Variants in TNS3 observed in about 807,000 individuals in gnomAD.
TNS3 encodes tensin-3.
In TNS3, 45 loss-of-function variants were observed where a neutral mutation model predicts 140.9. That is an observed-to-expected ratio of 0.32 (90% CI 0.25 to 0.41). TNS3 has a LOEUF of 0.41. TNS3 is among the 10% of genes least tolerant of loss of function. The pLI is 1.00. For synonymous variants in TNS3, 815 were observed against 788.4 expected (o/e 1.03, Z -0.56); for missense variants, 1,716 against 1,906.7 (o/e 0.90, Z 1.86).
At chr7:47,544,261 G>A (rs1799865282) in intron 1 of TNS3, among the ~76,000 whole-genome samples, 1 of 149,894 alleles carries the variant, frequency 6.7e-6, no homozygotes, top group Non-Finnish European at 1.5e-5. Context: ...GTCGGGGGTG[G>A]GGGTGCCCAG....
At chr7:47,412,605 A>G (rs1344264467) in intron 12 of TNS3, among the ~76,000 whole-genome samples, 1 of 152,210 alleles carries the variant, frequency 6.6e-6, no homozygotes, top group African/African-American at 2.4e-5. Context: ...CAAAAAAAAT[A>G]AATAAATAAA....
rs776976356 is a variant in TNS3, at chr7:47,283,794, G to A, written c.4000C>T (p.Leu1334=). The A allele has an allele frequency of 5.0e-6, 8 of 1,612,402 alleles. No individual in the cohort carries two copies. The highest frequency in any genetic ancestry group is 5.9e-6 in the Non-Finnish European group (7 of 1,179,276). ...GGCTCCTGGACCAGGGTGATGCTCA[G>A]GGCCTTCTGGATCGCCTGGTGGCCG... ...LTGHQAIQKA[L]SITLVQEPPP... The change falls in exon 28 of 31, where the codon CTG becomes TTG. Residue 1334 remains leucine, a synonymous_variant. Coordinates refer to ENST00000311160, the MANE Select transcript of TNS3 (RefSeq NM_022748.12).
At chr7:47,455,528 AAATGCAAAC>A (rs1211320256) in intron 4 of TNS3, among the ~76,000 whole-genome samples, 5 of 152,124 alleles carry the variant, frequency 3.3e-5, no homozygotes, top group Admixed American at 6.5e-5. Flanking sequence ...TCATATCCAC[AAATGCAAAC>A]AAGTATTTGC....
intron 1 of TNS3, among the ~76,000 whole-genome samples, chr7:47,529,486 T>A (rs1322031554): frequency 1.3e-5 from 2 of 152,224 alleles, no homozygotes; most frequent in Non-Finnish European, 2.9e-5. Flanking sequence ...AGCCACCTAC[T>A]TCTGTGACAA....
intron 20 of TNS3, among the ~76,000 whole-genome samples, chr7:47,339,996 C>T (rs1025889528): frequency 2.1e-5 from 3 of 140,278 alleles, no homozygotes; most frequent in Admixed American, 1.5e-4. Context: ...CATATGCGAT[C>T]ATATGCCACC....
chr7:47,525,270 G>T (rs1799151102), intron 2 of TNS3, among the ~76,000 whole-genome samples: 1 of 152,214 alleles, frequency 6.6e-6, no homozygotes, highest in South Asian at 2.1e-4. Context: ...AGTTCCAAGA[G>T]GAGGCGGGAA....
Position 47,553,930 on chromosome 7 carries a change from G to A in TNS3, c.-264-24783C>T, listed in dbSNP as rs563834512. Among the ~76,000 whole-genome samples, 6 of 151,908 alleles carry A rather than the reference G, an allele frequency of 3.9e-5. No homozygotes were observed. The South Asian group carries it at 6.3e-4, about 16-fold the overall frequency. On this transcript the variant is annotated intron_variant, in intron 1 of 30. Transcript: ENST00000311160. ...AGCGATTTTCCTGCCTCAGCCTCCC[G>A]AGTAGCTGGGATTACAGGAGGCTGC...
At chr7:47,558,942 A>C (rs1800266202) in intron 1 of TNS3, among the ~76,000 whole-genome samples, 1 of 152,198 alleles carries the variant, frequency 6.6e-6, no homozygotes, top group Non-Finnish European at 1.5e-5. Context: ...CCAGAGCCGA[A>C]ATCTCCCCAG....
At chr7:47,349,228 A>T (rs1353612513) in intron 17 of TNS3, among the ~76,000 whole-genome samples, 1 of 152,166 alleles carries the variant, frequency 6.6e-6, no homozygotes. Flanking sequence ...ATCAATCTTC[A>T]TTTAAAAAAA....
rs142938176 is a variant in TNS3, at chr7:47,288,966, G to A, written c.3928+2989C>T. Among the ~76,000 whole-genome samples the A allele has an allele frequency of 4.6e-3, 693 of 152,250 alleles. 5 individuals carry two copies. Among genetic ancestry groups the A allele is most frequent in the African/African-American group, 0.013 (550 of 41,542 alleles). ...GCTACATTTTTCATTTTGGAGCTTC[G>A]AGTTTTAGCACACTTGCAATTTGGG... is the stretch of plus-strand genomic sequence containing the variant. On this transcript the variant is annotated intron_variant, in intron 27 of 30. Coordinates refer to ENST00000311160, the MANE Select transcript of TNS3 (RefSeq NM_022748.12).
At chr7:47,400,643 T>C (rs1369756602) in intron 14 of TNS3, 142 bp downstream of exon 14, 2 of 1,433,266 alleles carry the variant, frequency 1.4e-6, no homozygotes, top group East Asian at 2.3e-5. Flanking sequence ...CAGGGATCAA[T>C]GATCATTTTC....
chr7:47,421,167 CAGAA>C (rs1266038503), intron 10 of TNS3, among the ~76,000 whole-genome samples: 1 of 152,144 alleles, frequency 6.6e-6, no homozygotes, highest in Non-Finnish European at 1.5e-5. Flanking sequence ...TCAACTATCT[CAGAA>C]AGAAAGGAAA....
At chr7:47,319,364 T>A (rs1291556978) in intron 20 of TNS3, among the ~76,000 whole-genome samples, 1 of 150,996 alleles carries the variant, frequency 6.6e-6, no homozygotes, top group Non-Finnish European at 1.5e-5. Flanking sequence ...TGGCATCACA[T>A]GGTGAGAGGA....
intron 3 of TNS3, among the ~76,000 whole-genome samples, chr7:47,493,194 A>C (rs1797876678): frequency 6.6e-6 from 1 of 152,206 alleles, no homozygotes; most frequent in Admixed American, 6.5e-5. Flanking sequence ...TCCGTAAAGA[A>C]AAGGAATAGC....
intron 2 of TNS3, among the ~76,000 whole-genome samples, chr7:47,510,290 G>C (rs764132323): frequency 6.6e-6 from 1 of 152,098 alleles, no homozygotes; most frequent in Non-Finnish European, 1.5e-5. Flanking sequence ...GAAGAACTTC[G>C]CACCAAAATC....
At chr7:47,378,150 G>C (rs1183715871) in intron 16 of TNS3, among the ~76,000 whole-genome samples, 1 of 151,982 alleles carries the variant, frequency 6.6e-6, no homozygotes, top group Non-Finnish European at 1.5e-5. Context: ...ATGGCACACA[G>C]CAGGCATTGG....
intron 16 of TNS3, among the ~76,000 whole-genome samples, chr7:47,393,211 C>T (rs1016024335): frequency 8.5e-5 from 13 of 152,092 alleles, no homozygotes; most frequent in African/African-American, 2.4e-4. Flanking sequence ...AGTAAGATGG[C>T]GGTAATTATT....
At chr7:47,411,871 A>G in intron 12 of TNS3, 69 bp from the exon 13 acceptor site, 1 of 1,464,734 alleles carries the variant, frequency 6.8e-7, no homozygotes, top group South Asian at 1.2e-5. Flanking sequence ...ACATGTAGAG[A>G]AAAGCAACCC....
chr7:47,445,568 C>T (rs1413353502), intron 4 of TNS3, among the ~76,000 whole-genome samples: 1 of 152,198 alleles, frequency 6.6e-6, no homozygotes, highest in Non-Finnish European at 1.5e-5. Context: ...CTTGGGGGAG[C>T]TGTTCTAGCC....
Sources: allele counts gnomAD v4.1 joint callset (sites outside exome capture counted in the v4.1 genomes callset), GRCh38; gene constraint gnomAD v4.1.1; transcripts MANE v1.5; gene names NCBI Gene and HGNC (gene_info 2026-07-23, HGNC 2026-07-21).